TTC24: variants seen among roughly 807,000 people sequenced by gnomAD.
The protein encoded by TTC24 is tetratricopeptide repeat domain 24.
TTC24 carries 54 observed loss-of-function variants against 63.3 expected under a neutral mutation model. The observed-to-expected ratio is 0.85, with a 90% CI of 0.69 to 1.07. The LOEUF is 1.07. Among genes scored for constraint, TTC24 ranks in the 50% least tolerant of loss-of-function variants. The pLI, the probability that TTC24 is intolerant of heterozygous loss-of-function variation, is 0.00. For synonymous variants in TTC24, 276 were observed against 304.3 expected (o/e 0.91, Z 0.97); for missense variants, 680 against 730.5 (o/e 0.93, Z 0.80).
chr1:156,586,011 A>T lies in TTC24; in HGVS notation c.1633A>T (p.Ser545Cys). ...AGGCCCTCCCAGAGCGGAGTACCCT[A>T]GCATCTTGGTACCCAATGGCCCTCA... ...GPGPPRAEYP[S>C]ILVPNGPQAN... The change falls in exon 10 of 11, where the codon AGC becomes TGC. Residue 545 changes from serine to cysteine, a missense_variant. Physicochemically the swap from Ser to Cys is moderately radical, Grantham distance 112. Coordinates refer to ENST00000368236, the MANE Select transcript of TTC24 (RefSeq NM_001105669.4). 6.3e-7 allele frequency: 1 copy of T among 1,584,590 alleles called. No individual in the cohort carries two copies. The highest frequency in any genetic ancestry group is 8.6e-7 in the Non-Finnish European group (1 of 1,164,990).
rs761848881 is a variant in TTC24, at chr1:156,584,932, C to A, written c.1307C>A (p.Thr436Asn). 1.2e-6 allele frequency: 2 copies of A among 1,604,146 alleles called. No homozygotes were observed. Among genetic ancestry groups the A allele is most frequent in the Non-Finnish European group, 1.7e-6 (2 of 1,175,658 alleles). The change falls in exon 7 of 11, where the codon ACC becomes AAC. Residue 436 changes from threonine (T) to asparagine (N), a missense_variant. Coordinates refer to ENST00000368236, the MANE Select transcript of TTC24 (RefSeq NM_001105669.4). ...GGTGGGGCCAGCCAGGCGGAGGGGA[C>A]CCCAGCAAAGGCAGGAAGCAGCACA... Reference protein sequence around the residue: ...APGGASQAEGTPAKAGSSTAG... With the variant: ...APGGASQAEGNPAKAGSSTAG...
At chr1:156,585,489 C>T in intron 8 of TTC24, 1 of 603,428 alleles carries the variant, frequency 1.7e-6, no homozygotes, top group Non-Finnish European at 2.9e-6. Flanking sequence ...TCTAGAACTC[C>T]CTCTTCCTTC....
At chr1:156,585,851 G>A (rs201968663) in intron 9 of TTC24, 25 bp downstream of exon 9, 57 of 1,594,572 alleles carry the variant, frequency 3.6e-5, no homozygotes, top group South Asian at 2.1e-4. Context: ...CCCTGACACC[G>A]CCCCAACTCG....
At position 156,581,372 on chromosome 1, in the gene TTC24, C is replaced by T; in HGVS notation, c.8C>T (p.Ser3Phe). The change falls in exon 2 of 11, where the codon TCC becomes TTC. Residue 3 changes from serine to phenylalanine, a missense_variant. Physicochemically the swap from Ser to Phe is radical, Grantham distance 155. Coordinates refer to ENST00000368236, the MANE Select transcript of TTC24 (RefSeq NM_001105669.4). ...TTCCCCTTTGTCAGCCCTATGTCTTCCCCCAACCCTGAGGATGTGCCCCGG... is the reference window on the plus strand; with the variant it reads ...TTCCCCTTTGTCAGCCCTATGTCTTTCCCCAACCCTGAGGATGTGCCCCGG... MS[S>F]PNPEDVPRRP... The T allele has an allele frequency of 6.7e-7, 1 of 1,497,518 alleles. No individual in the cohort carries two copies. The highest frequency in any genetic ancestry group is 8.9e-7 in the Non-Finnish European group (1 of 1,121,706). The allele number at this position is 1,497,518 out of a possible 1,614,324, so 92.8% of individuals were successfully genotyped here.
chr1:156,581,905 A>G lies in TTC24; in HGVS notation c.541A>G (p.Ser181Gly). The change falls in exon 2 of 11, where the codon AGC becomes GGC. Residue 181 changes from serine (S) to glycine (G), a missense_variant. By Grantham distance (56) the Ser-to-Gly change is moderately conservative. Coordinates refer to ENST00000368236, the MANE Select transcript of TTC24 (RefSeq NM_001105669.4). ...ELAAHCLQEA[S>G]QAYAQERQLR... ...AGCAGCCCACTGCCTGCAGGAAGCAAGCCAGGCCTATGCTCAAGAGAGACA... is the reference window on the plus strand; with the variant it reads ...AGCAGCCCACTGCCTGCAGGAAGCAGGCCAGGCCTATGCTCAAGAGAGACA... 1.3e-6 allele frequency: 2 copies of G among 1,548,644 alleles called. No individual in the cohort carries two copies. The highest frequency in any genetic ancestry group is 1.7e-6 in the Non-Finnish European group (2 of 1,145,568).
In TTC24 at chr1:156,585,729, C is replaced by T. The variant is rs549461326; in HGVS notation, c.1473C>T (p.Gly491=). ...CCTTTTCAGTGTGTTTCCTTCCAGGCACAGTGAATCATTCGCACCATCTAG... is the reference window on the plus strand; with the variant it reads ...CCTTTTCAGTGTGTTTCCTTCCAGGTACAGTGAATCATTCGCACCATCTAG... ...PGRPELCFLP[G]TVNHSHHLAS... The change falls in exon 9 of 11, where the codon GGC becomes GGT. Residue 491 remains glycine (G), a synonymous_variant. Coordinates refer to ENST00000368236, the MANE Select transcript of TTC24 (RefSeq NM_001105669.4). The T allele has an allele frequency of 6.2e-7, 1 of 1,613,582 alleles. No individual in the cohort carries two copies. The highest frequency in any genetic ancestry group is 8.5e-7 in the Non-Finnish European group (1 of 1,179,524).
Position 156,585,868 on chromosome 1 carries a change from T to C in TTC24, c.1570+42T>C, listed in dbSNP as rs375818920. ...CTGACACCGCCCCAACTCGTGGTTC[T>C]TCTCTCAGAGCTTTTTTCCACCATG... On this transcript the variant is annotated intron_variant, in intron 9 of 10. Transcript: ENST00000368236. 1.3e-5 allele frequency: 21 copies of C among 1,595,836 alleles called. No individual in the cohort carries two copies. In the African/African-American group the frequency reaches 2.7e-4, roughly 20 times the overall value.
Position 156,585,945 on chromosome 1 carries a change from C to A in TTC24, c.1571-4C>A. 1 of 1,603,616 alleles carries A rather than the reference C, an allele frequency of 6.2e-7. No homozygotes were observed. The highest frequency in any genetic ancestry group is 8.5e-7 in the Non-Finnish European group (1 of 1,174,268). On this transcript the variant is annotated splice_region_variant and splice_polypyrimidine_tract_variant and intron_variant, in intron 9 of 10. Transcript: ENST00000368236. ...GATGAATGTGTCTGTCCTTCTCCAT[C>A]TAGGTCCAGGACCCAGGGCCCATCT... is the stretch of plus-strand genomic sequence containing the variant.
Position 156,586,872 on chromosome 1 carries a change from A to G in TTC24, c.*322A>G, listed in dbSNP as rs1677189218. On this transcript the variant is annotated 3_prime_UTR_variant, in exon 11 of 11. Transcript: ENST00000368236. ...GTTCTAAAAACTGACTTCGTGGTCA[A>G]GTAGCTTTGGAGTCACTGACTGTCT... 1 of 237,736 alleles carries G rather than the reference A, an allele frequency of 4.2e-6. No individual in the cohort carries two copies. The highest frequency in any genetic ancestry group is 8.1e-5 in the South Asian group (1 of 12,288). The allele number at this position is 237,736 out of a possible 1,614,324, so 14.7% of individuals were successfully genotyped here.
intron 6 of TTC24, chr1:156,584,575 A>G (rs1571385457): frequency 3.1e-6 from 1 of 319,616 alleles, no homozygotes. Context: ...GGGTCAGAAT[A>G]CCTGGGTCCC....
chr1:156,583,743 A>T lies in TTC24; in HGVS notation c.1153-54A>T. The T allele has an allele frequency of 7.8e-7, 1 of 1,281,304 alleles. No homozygotes were observed. The allele number at this position is 1,281,304 out of a possible 1,614,324, so 79.4% of individuals were successfully genotyped here. A position where few individuals can be genotyped will look rare whatever the true frequency, so the allele number is the denominator to read the frequency against. On this transcript the variant is annotated intron_variant, in intron 5 of 10. Coordinates refer to ENST00000368236, the MANE Select transcript of TTC24 (RefSeq NM_001105669.4). The surrounding 1 kb of genome is among the most constrained non-coding windows in gnomAD (Gnocchi z 4.0). ...TGTTTCCTTCTTCCCCAACCCCCAG[A>T]GGACCATAAGGTCCAGGCATTCCCC...
Position 156,583,945 on chromosome 1 carries a change from G to C in TTC24, c.1251+50G>C. The C allele has an allele frequency of 3.4e-6, 5 of 1,482,912 alleles. No individual in the cohort carries two copies. The highest frequency in any genetic ancestry group is 4.6e-6 in the Non-Finnish European group (5 of 1,085,094). 91.9% of individuals were successfully genotyped at this position (1,482,912 alleles called of 1,614,324 possible). Reference sequence around the variant, plus strand: ...GATGGGGGTGGAGAGAGGTTACCCAGAGAAGGGGTTGGTGGTAAGCAGAGA... The same window carrying C: ...GATGGGGGTGGAGAGAGGTTACCCACAGAAGGGGTTGGTGGTAAGCAGAGA... On this transcript the variant is annotated intron_variant, in intron 6 of 10. Transcript: ENST00000368236. The surrounding 1 kb of genome is among the most constrained non-coding windows in gnomAD (Gnocchi z 4.0).
chr1:156,581,459 A>G lies in TTC24; in HGVS notation c.95A>G (p.Gln32Arg). 6.4e-7 allele frequency: 1 copy of G among 1,550,678 alleles called. No individual in the cohort carries two copies. The highest frequency in any genetic ancestry group is 8.7e-7 in the Non-Finnish European group (1 of 1,146,516). Reference protein sequence around the residue: ...KKKKKRKWLRQEASIQALTRA... With the variant: ...KKKKKRKWLRREASIQALTRA... ...AAGAAGAAAAGAAAGTGGCTGCGGC[A>G]AGAAGCCAGCATCCAAGCCCTCACC... is the stretch of plus-strand genomic sequence containing the variant. The change falls in exon 2 of 11, where the codon CAA becomes CGA. Residue 32 changes from glutamine to arginine, a missense_variant. By Grantham distance (43) the Gln-to-Arg change is conservative. Coordinates refer to ENST00000368236, the MANE Select transcript of TTC24 (RefSeq NM_001105669.4).
chr1:156,586,441 C>G (rs750693786), intron 10 of TTC24, 28 bp from the exon 11 acceptor site: 1 of 1,589,684 alleles, frequency 6.3e-7, no homozygotes, highest in African/African-American at 1.5e-5. Context: ...GTCACCCCCA[C>G]TGGCAAGCCC....
Position 156,587,089 on chromosome 1 carries a change from A to G in TTC24, c.*539A>G, listed in dbSNP as rs780683616. Among the ~76,000 whole-genome samples the G allele has an allele frequency of 2.0e-5, 3 of 152,076 alleles. No individual in the cohort carries two copies. Among genetic ancestry groups the G allele is most frequent in the Admixed American group, 6.5e-5 (1 of 15,268 alleles). ...CAGTGATGTGATGTAACATTTCCCAAGTACTTAGCTCATGCCCCACCCTAT... is the reference window on the plus strand; with the variant it reads ...CAGTGATGTGATGTAACATTTCCCAGGTACTTAGCTCATGCCCCACCCTAT... On this transcript the variant is annotated 3_prime_UTR_variant, in exon 11 of 11. Transcript: ENST00000368236.
Position 156,587,719 on chromosome 1 carries a change from A to T in TTC24, c.*1169A>T, listed in dbSNP as rs1296238573. Among the ~76,000 whole-genome samples the T allele has an allele frequency of 6.6e-6, 1 of 152,218 alleles. No individual in the cohort carries two copies. Among genetic ancestry groups the T allele is most frequent in the African/African-American group, 2.4e-5 (1 of 41,450 alleles). ...AAAAAAAATAAATTGATGAACTGAG[A>T]GTGGGAAAAGCAGCACTGTTTCTAT... On this transcript the variant is annotated 3_prime_UTR_variant, in exon 11 of 11. Transcript: ENST00000368236.
At chr1:156,582,639 G>C (rs993858830) in intron 3 of TTC24, among the ~76,000 whole-genome samples, 4 of 152,210 alleles carry the variant, frequency 2.6e-5, no homozygotes, top group African/African-American at 9.6e-5. Context: ...CGAGGCCTCA[G>C]GGTTGGGAAG....
Position 156,586,707 on chromosome 1 carries a change from C to T in TTC24, c.*157C>T. 3.4e-6 allele frequency: 2 copies of T among 593,496 alleles called. No individual in the cohort carries two copies. Among genetic ancestry groups the T allele is most frequent in the Non-Finnish European group, 5.9e-6 (2 of 341,452 alleles). The allele number at this position is 593,496 out of a possible 1,614,324, so 36.8% of individuals were successfully genotyped here. Reference sequence around the variant, plus strand: ...GACTCCTGAGGAGGCTGGCCAAGGGCTTTGCAGGCTCGGCCCTGAGAGGTT... The same window carrying T: ...GACTCCTGAGGAGGCTGGCCAAGGGTTTTGCAGGCTCGGCCCTGAGAGGTT... On this transcript the variant is annotated 3_prime_UTR_variant, in exon 11 of 11. Coordinates refer to ENST00000368236, the MANE Select transcript of TTC24 (RefSeq NM_001105669.4).
In TTC24 at chr1:156,586,343, C is replaced by T. The variant is rs991150226; in HGVS notation, c.1668-126C>T. ...ATATGAAGCTTAAGCCAACTCCCTC[C>T]TTCTCTGGAGCCCACCAGCAGAGGT... is the stretch of plus-strand genomic sequence containing the variant. On this transcript the variant is annotated intron_variant, in intron 10 of 10. Transcript: ENST00000368236. The T allele has an allele frequency of 1.1e-5, 9 of 786,890 alleles. No individual in the cohort carries two copies. In the Admixed American group the frequency reaches 1.8e-4, roughly 16 times the overall value. The allele number at this position is 786,890 out of a possible 1,614,324, so 48.7% of individuals were successfully genotyped here.
Sources: allele counts gnomAD v4.1 joint callset (sites outside exome capture counted in the v4.1 genomes callset), GRCh38; gene constraint gnomAD v4.1.1; non-coding constraint Gnocchi (gnomAD v3.1); transcripts MANE v1.5; gene names NCBI Gene and HGNC (gene_info 2026-07-23, HGNC 2026-07-21).